ADARB2: variants seen among roughly 807,000 people sequenced by gnomAD.
ADARB2 encodes inactive double-stranded RNA-specific editase B2.
In ADARB2, 25 loss-of-function variants were observed where a neutral mutation model predicts 62.2. The observed-to-expected ratio is 0.40, with a 90% CI of 0.29 to 0.56. The LOEUF (loss-of-function observed/expected upper bound fraction) is 0.56, where lower values mean the gene tolerates loss of function less well. Ranked by LOEUF, ADARB2 falls within the 20% of genes least tolerant of loss-of-function variation. The pLI is 0.43. For synonymous variants in ADARB2, 572 were observed against 500.8 expected, an observed-to-expected ratio of 1.14 and a Z score of -1.90; for missense variants, 1,071 against 1,077.4, an observed-to-expected ratio of 0.99 and a Z score of 0.08.
At chr10:1,682,745 A>C (rs1834554050) in intron 1 of ADARB2, among the ~76,000 whole-genome samples, 1 of 152,250 alleles carries the variant, frequency 6.6e-6, no homozygotes, top group Non-Finnish European at 1.5e-5. Flanking sequence ...GAAGGGGTTG[A>C]GAACATTACG....
chr10:1,338,935 T>A (rs991964243), intron 3 of ADARB2, among the ~76,000 whole-genome samples: 1 of 152,204 alleles, frequency 6.6e-6, no homozygotes, highest in Non-Finnish European at 1.5e-5. Flanking sequence ...TGAGGGCTGA[T>A]CTTCCCAACT....
chr10:1,279,042 AT>A (rs1407994831), intron 3 of ADARB2, among the ~76,000 whole-genome samples: 2 of 152,050 alleles, frequency 1.3e-5, no homozygotes, highest in Non-Finnish European at 1.5e-5. Context: ...TATTATCAGC[AT>A]TTTTTTCCCC....
At chr10:1,306,333 C>G (rs1210262173) in intron 3 of ADARB2, among the ~76,000 whole-genome samples, 1 of 151,792 alleles carries the variant, frequency 6.6e-6, no homozygotes, top group African/African-American at 2.4e-5. Flanking sequence ...AATAAAATAC[C>G]TAGGAATCCA....
At chr10:1,735,557 C>T (rs888620664) in intron 1 of ADARB2, among the ~76,000 whole-genome samples, 1 of 152,208 alleles carries the variant, frequency 6.6e-6, no homozygotes, top group African/African-American at 2.4e-5. Flanking sequence ...TTTTAAAAGT[C>T]ATATTCATTA....
Position 1,524,059 on chromosome 10 carries a change from A to AAGATAGAT in ADARB2, c.101-144907_101-144900dup, listed in dbSNP as rs34113585. 9.2e-3 allele frequency among the ~76,000 whole-genome samples: 1,235 copies of AAGATAGAT among 134,824 alleles called. 7 individuals carry two copies. The highest frequency in any genetic ancestry group is 0.016 in the Middle Eastern group (4 of 252). The allele number at this position is 134,824 out of a possible 152,430, so 88.4% of individuals were successfully genotyped here. On this transcript the variant is annotated intron_variant, in intron 1 of 9. Coordinates refer to ENST00000381312, the MANE Select transcript of ADARB2 (RefSeq NM_018702.4). ...TTCTAGACAGTATCCTGGGGATATG[A>AAGATAGAT]AGATAGATAGATAGATAGATAGATA...
intron 6 of ADARB2, among the ~76,000 whole-genome samples, chr10:1,219,794 AATG>A (rs1160789603): frequency 6.8e-6 from 1 of 146,276 alleles, no homozygotes; most frequent in Non-Finnish European, 1.5e-5. Flanking sequence ...TGGTGAAGAT[AATG>A]ATGGCAATGG....
intron 1 of ADARB2, among the ~76,000 whole-genome samples, chr10:1,505,265 G>C (rs1303922936): frequency 6.6e-6 from 1 of 152,100 alleles, no homozygotes; most frequent in East Asian, 1.9e-4. Context: ...TGTGTGCCTC[G>C]CATTGCCCCA....
intron 6 of ADARB2, among the ~76,000 whole-genome samples, chr10:1,223,873 T>A (rs1351224882): frequency 6.6e-6 from 1 of 152,210 alleles, no homozygotes; most frequent in Non-Finnish European, 1.5e-5. Context: ...AGGATATTGG[T>A]CTAAAATTCT....
intron 1 of ADARB2, among the ~76,000 whole-genome samples, chr10:1,716,445 G>C (rs573848292): frequency 1.6e-4 from 25 of 152,324 alleles, no homozygotes; most frequent in African/African-American, 5.8e-4. Flanking sequence ...GCCAGTGAAA[G>C]TTCTTGATAT....
chr10:1,449,696 G>A (rs1831014304), intron 1 of ADARB2, among the ~76,000 whole-genome samples: 1 of 152,136 alleles, frequency 6.6e-6, no homozygotes, highest in Non-Finnish European at 1.5e-5. Flanking sequence ...TTAAAGGCGG[G>A]GACACAGTGA....
intron 4 of ADARB2, among the ~76,000 whole-genome samples, chr10:1,249,601 T>C (rs980443636): frequency 6.6e-6 from 1 of 150,810 alleles, no homozygotes; most frequent in African/African-American, 2.5e-5. Context: ...ATTTTTTTCC[T>C]GAATGTGATT....
chr10:1,257,794 T>A (rs1036987526), intron 4 of ADARB2, among the ~76,000 whole-genome samples: 3 of 152,192 alleles, frequency 2.0e-5, no homozygotes, highest in African/African-American at 4.8e-5. Flanking sequence ...CTCCAGTGTT[T>A]CCGCAGGGAA....
chr10:1,671,292 C>T (rs74108977), intron 1 of ADARB2, among the ~76,000 whole-genome samples: 161 of 152,296 alleles, frequency 1.1e-3, no homozygotes, highest in African/African-American at 3.7e-3. Flanking sequence ...ACTTTCTATT[C>T]ATTACATCCC....
In ADARB2 at chr10:1,461,933, C is replaced by T. The variant is rs186838290; in HGVS notation, c.101-82773G>A. On this transcript the variant is annotated intron_variant, in intron 1 of 9. Transcript: ENST00000381312. ...AGGAGAATCGCTTGAACTGGGGAGG[C>T]GGAGGTTGCAATGAGCTGAGATCAC... Among the ~76,000 whole-genome samples the T allele has an allele frequency of 3.9e-5, 6 of 152,202 alleles. No individual in the cohort carries two copies. In the East Asian group the frequency reaches 5.8e-4, roughly 15 times the overall value.
chr10:1,388,441 C>T (rs567356132), intron 1 of ADARB2, among the ~76,000 whole-genome samples: 7 of 152,176 alleles, frequency 4.6e-5, no homozygotes, highest in South Asian at 4.1e-4. Flanking sequence ...CTGACTTTAT[C>T]CTCATGGCAT....
chr10:1,367,936 C>T (rs1477150116), intron 2 of ADARB2, among the ~76,000 whole-genome samples: 1 of 152,208 alleles, frequency 6.6e-6, no homozygotes, highest in African/African-American at 2.4e-5. Flanking sequence ...GTATAAGAGC[C>T]TCTTTCATAA....
At chr10:1,627,666 CTGT>C (rs1833787631) in intron 1 of ADARB2, among the ~76,000 whole-genome samples, 3 of 152,200 alleles carry the variant, frequency 2.0e-5, no homozygotes, top group Non-Finnish European at 4.4e-5. Flanking sequence ...GAAGCACTGG[CTGT>C]TTTACAGATT....
chr10:1,233,353 G>A (rs1830827859), intron 6 of ADARB2, among the ~76,000 whole-genome samples: 1 of 152,206 alleles, frequency 6.6e-6, no homozygotes, highest in African/African-American at 2.4e-5. Context: ...CAGAGCCAGT[G>A]AGAATTTGCT....
intron 2 of ADARB2, among the ~76,000 whole-genome samples, chr10:1,375,963 A>G (rs10794747): frequency 2.0e-5 from 3 of 150,828 alleles, no homozygotes; most frequent in East Asian, 2.0e-4. Context: ...ACATGCACAC[A>G]CACACATGTG....
Sources: gnomAD v4.1 joint callset for allele counts (sites outside exome capture counted in the v4.1 genomes callset) on GRCh38, gnomAD v4.1.1 for gene constraint, MANE v1.5 for transcripts, NCBI Gene and HGNC (gene_info 2026-07-23, HGNC 2026-07-21) for gene names.